The following DUSP16 variants were observed in gnomAD, a reference collection of about 807,000 sequenced individuals.
The protein encoded by DUSP16 is dual specificity phosphatase 16, also known as dual specificity protein phosphatase 16.
In DUSP16, 21 loss-of-function variants were observed where a neutral mutation model predicts 58.3. The ratio of observed to expected loss-of-function variants is 0.36; its 90% CI spans 0.26 to 0.52. DUSP16 has a LOEUF of 0.52. Among genes scored for constraint, DUSP16 ranks in the 20% least tolerant of loss-of-function variants. DUSP16 has a pLI of 0.94. For synonymous variants in DUSP16, 320 were observed against 323.8 expected (o/e 0.99, Z 0.12); for missense variants, 726 against 819.0 (o/e 0.89, Z 1.39).
Position 12,477,231 on chromosome 12 carries a change from G to A in DUSP16, c.1600C>T (p.Leu534=). 1 of 1,614,226 alleles carries A rather than the reference G, an allele frequency of 6.2e-7. No homozygotes were observed. Among genetic ancestry groups the A allele is most frequent in the Non-Finnish European group, 8.5e-7 (1 of 1,180,040 alleles). The change falls in exon 7 of 7, where the codon CTG becomes TTG. Residue 534 remains leucine, a synonymous_variant. Coordinates refer to ENST00000298573, the MANE Select transcript of DUSP16 (RefSeq NM_030640.3). The surrounding 1 kb of genome is among the most constrained non-coding windows in gnomAD (Gnocchi z 4.1). ...TCCGAGTGCCAGCCCTTAAGGCCCAGGCCAGCAGACTTCGTGAGGTGCTGC... is the reference window on the plus strand; with the variant it reads ...TCCGAGTGCCAGCCCTTAAGGCCCAAGCCAGCAGACTTCGTGAGGTGCTGC... The part of the protein sequence containing the change: ...SQQHLTKSAG[L]GLKGWHSDIL...
At chr12:12,560,654 C>T (rs1462579011) in intron 1 of DUSP16, 13 of 152,198 alleles carry the variant, frequency 8.5e-5, no homozygotes, top group Admixed American at 8.5e-4. Flanking sequence ...ACCAAATAGA[C>T]TCCACGAGCC....
intron 4 of DUSP16, among the ~76,000 whole-genome samples, chr12:12,493,747 G>A (rs561650310): frequency 2.6e-5 from 4 of 152,216 alleles, no homozygotes; most frequent in South Asian, 4.2e-4. Context: ...CCTCCTTTGA[G>A]TGTTTGTTCA....
intron 1 of DUSP16, among the ~76,000 whole-genome samples, chr12:12,558,282 T>C (rs1344315439): frequency 6.6e-6 from 1 of 152,236 alleles, no homozygotes; most frequent in African/African-American, 2.4e-5. Context: ...GCCATGATAT[T>C]ACAGCGAATC....
intron 4 of DUSP16, among the ~76,000 whole-genome samples, chr12:12,494,339 G>T (rs74062572): frequency 6.6e-6 from 1 of 152,120 alleles, no homozygotes; most frequent in Admixed American, 6.5e-5. Context: ...TACAAATTAG[G>T]ATATAACTAT....
intron 4 of DUSP16, among the ~76,000 whole-genome samples, chr12:12,499,376 C>T (rs1943877589): frequency 6.6e-6 from 1 of 152,120 alleles, no homozygotes; most frequent in Non-Finnish European, 1.5e-5. Context: ...CAGAAAGGCT[C>T]GGTACAAGCA....
rs909607409 is a variant in DUSP16, at chr12:12,476,749, CATAT to C, written c.*80_*83del. On this transcript the variant is annotated 3_prime_UTR_variant, in exon 7 of 7. Coordinates refer to ENST00000298573, the MANE Select transcript of DUSP16 (RefSeq NM_030640.3). ...TTTTCCAAAAATATATATGTATGTA[CATAT>C]ATATATTTCAGATTTACAGGGAATT... 2.2e-5 allele frequency: 28 copies of C among 1,298,576 alleles called. No homozygotes were observed. The highest frequency in any genetic ancestry group is 2.8e-5 in the Non-Finnish European group (27 of 949,644). 80.4% of individuals were successfully genotyped at this position (1,298,576 alleles called of 1,614,324 possible). A position where few individuals can be genotyped will look rare whatever the true frequency, so the allele number is the denominator to read the frequency against.
At chr12:12,493,675 C>A (rs1397643522) in intron 4 of DUSP16, among the ~76,000 whole-genome samples, 1 of 152,166 alleles carries the variant, frequency 6.6e-6, no homozygotes, top group South Asian at 2.1e-4. Context: ...TGTGCTTTGC[C>A]TTGGTGGCTT....
rs144539830 is a variant in DUSP16, at chr12:12,487,879, G to A, written c.532-692C>T. 3.6e-4 allele frequency among the ~76,000 whole-genome samples: 55 copies of A among 152,114 alleles called. No homozygotes were observed. In the East Asian group the frequency reaches 9.6e-3, roughly 27 times the overall value. On this transcript the variant is annotated intron_variant, in intron 4 of 6. Transcript: ENST00000298573. ...CCAACTAAGCTCGAGAATAAAATGG[G>A]GCTCCTTTCTCTTCCCCATGACCCT...
At chr12:12,483,998 TAAAA>T (rs570938765) in intron 5 of DUSP16, among the ~76,000 whole-genome samples, 122 of 151,546 alleles carry the variant, frequency 8.1e-4, no homozygotes, top group Non-Finnish European at 1.4e-3. Context: ...ATTTAAAAAT[TAAAA>T]AAAAATTTTA....
At chr12:12,480,151 C>G in intron 6 of DUSP16, 72 bp downstream of exon 6, 3 of 1,564,408 alleles carry the variant, frequency 1.9e-6, no homozygotes, top group Admixed American at 3.6e-5. Context: ...AATTTGGTTA[C>G]CCATCCTCAT....
chr12:12,500,440 A>C (rs1943891721), intron 4 of DUSP16, 79 bp downstream of exon 4: 1 of 1,469,558 alleles, frequency 6.8e-7, no homozygotes. Flanking sequence ...GGTGTGTTTC[A>C]AATGACATAA....
intron 1 of DUSP16, among the ~76,000 whole-genome samples, chr12:12,523,700 G>A (rs1012112526): frequency 5.3e-5 from 8 of 152,142 alleles, no homozygotes; most frequent in South Asian, 2.1e-4. Context: ...TCTGCAAAGC[G>A]CCTACCAAAG....
chr12:12,522,004 A>T (rs1944244223), intron 1 of DUSP16, among the ~76,000 whole-genome samples: 1 of 152,214 alleles, frequency 6.6e-6, no homozygotes, highest in Non-Finnish European at 1.5e-5. Context: ...CAGGGCGCAA[A>T]CAGCAGCCTT....
At position 12,473,464 on chromosome 12, in the gene DUSP16, C is replaced by CTCTA. The variant is rs1454466107; in HGVS notation, c.*3365_*3368dup. 2.6e-5 allele frequency among the ~76,000 whole-genome samples: 4 copies of CTCTA among 152,174 alleles called. No homozygotes were observed. Among genetic ancestry groups the CTCTA allele is most frequent in the African/African-American group, 9.7e-5 (4 of 41,444 alleles). On this transcript the variant is annotated 3_prime_UTR_variant, in exon 7 of 7. Coordinates refer to ENST00000298573, the MANE Select transcript of DUSP16 (RefSeq NM_030640.3). ...TGAAACAACTGTTCCTCCTGTTACC[C>CTCTA]TCTATCTCTGGAGGCTGATTTATTC...
intron 1 of DUSP16, among the ~76,000 whole-genome samples, chr12:12,556,904 C>T (rs1041869260): frequency 6.6e-6 from 1 of 152,136 alleles, no homozygotes; most frequent in Non-Finnish European, 1.5e-5. Flanking sequence ...GGTAATTAAG[C>T]CTAACAGTTT....
chr12:12,520,201 G>A (rs1239417149), intron 2 of DUSP16, among the ~76,000 whole-genome samples: 4 of 152,210 alleles, frequency 2.6e-5, no homozygotes, highest in Non-Finnish European at 4.4e-5. Context: ...TGCTATTTCT[G>A]TGTAGGTGAT....
At chr12:12,515,481 C>T (rs1315758669) in intron 3 of DUSP16, among the ~76,000 whole-genome samples, 1 of 151,924 alleles carries the variant, frequency 6.6e-6, no homozygotes, top group Non-Finnish European at 1.5e-5. Context: ...GCATGCGCCA[C>T]CACACCTGGT....
At chr12:12,501,489 AG>A (rs1261863999) in intron 3 of DUSP16, among the ~76,000 whole-genome samples, 1 of 152,222 alleles carries the variant, frequency 6.6e-6, no homozygotes. Context: ...ATGTAGCCAA[AG>A]GAGGTGCTTT....
chr12:12,533,740 G>C (rs1016931119), intron 1 of DUSP16, among the ~76,000 whole-genome samples: 1 of 152,192 alleles, frequency 6.6e-6, no homozygotes, highest in Non-Finnish European at 1.5e-5. Flanking sequence ...CTGTGGACTA[G>C]GACTCAGGAG....
Sources: gnomAD v4.1 joint callset for allele counts (sites outside exome capture counted in the v4.1 genomes callset) on GRCh38, gnomAD v4.1.1 for gene constraint, Gnocchi (gnomAD v3.1) non-coding constraint, MANE v1.5 for transcripts, NCBI Gene and HGNC (gene_info 2026-07-23, HGNC 2026-07-21) for gene names.